Variants in CDH18 observed in about 807,000 individuals in gnomAD.
The protein encoded by CDH18 is cadherin-18.
Under a neutral mutation model 67.9 loss-of-function variants are expected in CDH18, and 31 were observed. That is an observed-to-expected ratio of 0.46 (90% CI 0.34 to 0.62). The LOEUF (loss-of-function observed/expected upper bound fraction) is 0.62, where lower values mean the gene tolerates loss of function less well. Ranked by LOEUF, CDH18 falls within the 20% of genes least tolerant of loss-of-function variation. CDH18 has a pLI of 0.01. For synonymous variants in CDH18, 362 were observed against 347.2 expected (o/e 1.04, Z -0.48); for missense variants, 890 against 975.5 (o/e 0.91, Z 1.17).
intron 9 of CDH18, among the ~76,000 whole-genome samples, chr5:19,530,976 C>T (rs895379048): frequency 1.3e-5 from 2 of 152,174 alleles, no homozygotes; most frequent in Non-Finnish European, 2.9e-5. Flanking sequence ...CACCCACTGT[C>T]TGGCACTCCC....
At chr5:19,508,274 A>C (rs1744550744) in intron 10 of CDH18, among the ~76,000 whole-genome samples, 1 of 152,124 alleles carries the variant, frequency 6.6e-6, no homozygotes, top group Non-Finnish European at 1.5e-5. Flanking sequence ...GGTTTTTAGA[A>C]GTTATAAACT....
chr5:20,354,479 G>A (rs79340057), intron 1 of CDH18, among the ~76,000 whole-genome samples: 3,760 of 152,252 alleles, frequency 0.025, 102 homozygotes, highest in African/African-American at 0.066. Flanking sequence ...CAGTGGAGCA[G>A]TCTTCACTCA....
At chr5:19,646,653 A>C (rs1754785499) in intron 5 of CDH18, among the ~76,000 whole-genome samples, 1 of 152,050 alleles carries the variant, frequency 6.6e-6, no homozygotes, top group Non-Finnish European at 1.5e-5. Flanking sequence ...AAATTAATTT[A>C]ATAAAAAATT....
chr5:19,950,607 A>C (rs1277195027), intron 2 of CDH18, among the ~76,000 whole-genome samples: 1 of 152,156 alleles, frequency 6.6e-6, no homozygotes, highest in Non-Finnish European at 1.5e-5. Flanking sequence ...AAAATTGAGA[A>C]AATATTTTGA....
chr5:20,405,461 T>C (rs1056757714), intron 1 of CDH18, among the ~76,000 whole-genome samples: 1 of 152,168 alleles, frequency 6.6e-6, no homozygotes, highest in East Asian at 1.9e-4. Flanking sequence ...AACTTAAATG[T>C]TAGACCTAAA....
chr5:19,806,754 A>G (rs1778076404), intron 3 of CDH18, among the ~76,000 whole-genome samples: 1 of 152,214 alleles, frequency 6.6e-6, no homozygotes, highest in Non-Finnish European at 1.5e-5. Flanking sequence ...CTTTACAGAA[A>G]TTAACCTACA....
intron 5 of CDH18, among the ~76,000 whole-genome samples, chr5:19,708,110 G>A (rs959764787): frequency 1.3e-5 from 2 of 152,162 alleles, no homozygotes; most frequent in African/African-American, 4.8e-5. Context: ...ATGGCTCTTA[G>A]TAAGATCAAA....
chr5:20,324,503 T>C (rs1288158646), intron 1 of CDH18, among the ~76,000 whole-genome samples: 1 of 152,016 alleles, frequency 6.6e-6, no homozygotes, highest in African/African-American at 2.4e-5. Flanking sequence ...ATCAGGCCAC[T>C]GCACTCCAGC....
At chr5:20,068,976 AT>A (rs1743208552) in intron 2 of CDH18, among the ~76,000 whole-genome samples, 1 of 152,074 alleles carries the variant, frequency 6.6e-6, no homozygotes, top group Non-Finnish European at 1.5e-5. Context: ...TCACGCTGAA[AT>A]TTTTTTGCCC....
chr5:20,569,141 G>A (rs568728696), intron 1 of CDH18, among the ~76,000 whole-genome samples: 25 of 152,154 alleles, frequency 1.6e-4, no homozygotes, highest in Non-Finnish European at 1.0e-4. Context: ...GGATGGCTAC[G>A]AGTCGTGTAC....
intron 2 of CDH18, among the ~76,000 whole-genome samples, chr5:19,884,639 ACT>A (rs1190454632): frequency 6.6e-6 from 1 of 151,934 alleles, no homozygotes; most frequent in Non-Finnish European, 1.5e-5. Context: ...ACTTATGACA[ACT>A]CTGTGTTTTA....
At position 20,347,220 on chromosome 5, in the gene CDH18, TTTC is replaced by T. The variant is rs1316357275; in HGVS notation, c.-579-91718_-579-91716del. Among the ~76,000 whole-genome samples the T allele has an allele frequency of 2.0e-5, 3 of 152,302 alleles. No homozygotes were observed. The East Asian group carries it at 5.8e-4, about 29-fold the overall frequency. On this transcript the variant is annotated intron_variant, in intron 1 of 14. Coordinates refer to the CDH18 transcript ENST00000507958. The stretch of plus-strand genomic sequence containing the variant: ...ATATTAAACCTTCTTGTAAAATTTG[TTTC>T]TTCTCACCTAGAGGTCATCAAATTT...
intron 1 of CDH18, among the ~76,000 whole-genome samples, chr5:20,459,528 C>A (rs1751094754): frequency 6.6e-6 from 1 of 152,134 alleles, no homozygotes; most frequent in Admixed American, 6.5e-5. Context: ...TTATCCATTT[C>A]CCCACCATGA....
In CDH18 at chr5:20,460,886, C is replaced by T. The variant is rs142696511; in HGVS notation, c.-580+114576G>A. On this transcript the variant is annotated intron_variant, in intron 1 of 14. Transcript: ENST00000507958. ...CTTGTCTGTATAACTTTCTTTTTGT[C>T]GCCATGAGTAACTTAACTGAGTACA... Among the ~76,000 whole-genome samples, 65 of 152,218 alleles carry T rather than the reference C, an allele frequency of 4.3e-4. 1 individual carries two copies. Among genetic ancestry groups the T allele is most frequent in the African/African-American group, 1.3e-3 (55 of 41,538 alleles).
At position 20,453,631 on chromosome 5, in the gene CDH18, A is replaced by G. The variant is rs76414142; in HGVS notation, c.-580+121831T>C. On this transcript the variant is annotated intron_variant, in intron 1 of 14. Coordinates refer to the CDH18 transcript ENST00000507958. ...TGTGTGTGTGTATATATATATGTATATATGTATAAATGTATTTGGCTGTGT... is the reference window on the plus strand; with the variant it reads ...TGTGTGTGTGTATATATATATGTATGTATGTATAAATGTATTTGGCTGTGT... Among the ~76,000 whole-genome samples the G allele has an allele frequency of 4.6e-4, 70 of 151,918 alleles. No homozygotes were observed. The East Asian group carries it at 0.013, about 27-fold the overall frequency.
intron 2 of CDH18, among the ~76,000 whole-genome samples, chr5:19,849,173 C>T (rs957441344): frequency 6.6e-6 from 1 of 151,894 alleles, no homozygotes; most frequent in Non-Finnish European, 1.5e-5. Flanking sequence ...AGCTTGCAGC[C>T]AATTAAACTA....
chr5:20,316,794 AT>A (rs557921479), intron 1 of CDH18, among the ~76,000 whole-genome samples: 516 of 152,064 alleles, frequency 3.4e-3, no homozygotes, highest in Non-Finnish European at 5.5e-3. Context: ...TTTACACATA[AT>A]TTTTCTTTTT....
intron 1 of CDH18, among the ~76,000 whole-genome samples, chr5:20,427,495 A>T (rs1748391702): frequency 6.6e-6 from 1 of 151,282 alleles, no homozygotes; most frequent in Non-Finnish European, 1.5e-5. Flanking sequence ...AAATTTTCAA[A>T]TATGAGCAAG....
chr5:20,438,691 C>T (rs1749364784), intron 1 of CDH18, among the ~76,000 whole-genome samples: 1 of 151,258 alleles, frequency 6.6e-6, no homozygotes, highest in Non-Finnish European at 1.5e-5. Context: ...TAATGATTAT[C>T]CTGATACTGA....
Sources: allele counts gnomAD v4.1 joint callset (sites outside exome capture counted in the v4.1 genomes callset), GRCh38; gene constraint gnomAD v4.1.1; transcripts MANE v1.5; gene names NCBI Gene and HGNC (gene_info 2026-07-23, HGNC 2026-07-21).